The following MALRD1 variants were observed in gnomAD, a reference collection of about 807,000 sequenced individuals.
MALRD1 encodes MAM and LDL-receptor class A domain-containing protein 1.
Under a neutral mutation model 242.1 loss-of-function variants are expected in MALRD1, and 247 were observed. The ratio of observed to expected loss-of-function variants is 1.02; its 90% CI spans 0.92 to 1.13. The LOEUF (loss-of-function observed/expected upper bound fraction) is 1.13. MALRD1 is among the 50% of genes most tolerant of loss of function. MALRD1 has a pLI of 0.00. For synonymous variants in MALRD1, 995 were observed against 866.6 expected, an observed-to-expected ratio of 1.15 and a Z score of -2.60; for missense variants, 2,989 against 2,533.1, an observed-to-expected ratio of 1.18 and a Z score of -3.86.
At chr10:19,514,107 A>T (rs931921714) in intron 31 of MALRD1, among the ~76,000 whole-genome samples, 2 of 152,214 alleles carry the variant, frequency 1.3e-5, no homozygotes, top group African/African-American at 4.8e-5. Flanking sequence ...ACAATGAACT[A>T]TCTACAGATG....
At chr10:19,673,008 G>C (rs1475881147) in intron 36 of MALRD1, among the ~76,000 whole-genome samples, 1 of 152,120 alleles carries the variant, frequency 6.6e-6, no homozygotes, top group Non-Finnish European at 1.5e-5. Context: ...ATTGGAGGTA[G>C]TCTGTTGATA....
rs983125782 is a variant in MALRD1, at chr10:19,128,264, C to T, written c.987C>T (p.Asn329=). 1.1e-5 allele frequency: 14 copies of T among 1,233,394 alleles called. No individual in the cohort carries two copies. The highest frequency in any genetic ancestry group is 1.3e-5 in the Non-Finnish European group (13 of 987,888). 76.4% of individuals were successfully genotyped at this position (1,233,394 alleles called of 1,614,324 possible). A position where few individuals can be genotyped will look rare whatever the true frequency, so the allele number is the denominator to read the frequency against. The part of the protein sequence containing the change: ...WVGAKHGFTL[N]HLDSRAYLNS... ...GCGCTAAGCATGGTTTCACTCTTAA[C>T]CATTTAGACAGCAGGGCTTACCTAA... The change falls in exon 8 of 40, where the codon AAC becomes AAT. Residue 329 remains asparagine, a synonymous_variant. Transcript: ENST00000454679.
chr10:19,629,601 G>C (rs918121939), intron 36 of MALRD1, among the ~76,000 whole-genome samples: 1 of 152,166 alleles, frequency 6.6e-6, no homozygotes, highest in Admixed American at 6.5e-5. Flanking sequence ...TGGGGTAGCC[G>C]TTGGTTGAAA....
Position 19,203,739 on chromosome 10 carries a change from GAC to G in MALRD1, c.1964_1965del (p.Asp655ValfsTer2). ...TTTTTGTTCTTCAGTTTCCAAGTGT[GAC>G]TTTGAAGCAAACAGCTGTGATTGGT... Reference protein sequence around the residue: ...TSTQSKFSKCDFEANSCDWFE... With the variant: ...TSTQSKFSKCXFEANSCDWFE... On this transcript the variant is annotated frameshift_variant, in exon 15 of 40. Coordinates refer to ENST00000454679, the MANE Select transcript of MALRD1 (RefSeq NM_001142308.3). LOFTEE classifies it high-confidence loss of function. 6.5e-7 allele frequency: 1 copy of G among 1,535,558 alleles called. No homozygotes were observed. The highest frequency in any genetic ancestry group is 2.5e-5 in the East Asian group (1 of 40,630).
At chr10:19,282,608 T>C (rs1237547671) in intron 20 of MALRD1, among the ~76,000 whole-genome samples, 1 of 152,160 alleles carries the variant, frequency 6.6e-6, no homozygotes, top group Admixed American at 6.6e-5. Flanking sequence ...ATAAAAGTTA[T>C]TGGAAACCTC....
chr10:19,067,197 T>C (rs555174694), intron 2 of MALRD1, among the ~76,000 whole-genome samples: 1 of 152,174 alleles, frequency 6.6e-6, no homozygotes, highest in Non-Finnish European at 1.5e-5. Context: ...TGGGACAATA[T>C]ACCTAGATTA....
At chr10:19,418,735 A>C (rs141089549) in intron 28 of MALRD1, among the ~76,000 whole-genome samples, 2,193 of 152,316 alleles carry the variant, frequency 0.014, 26 homozygotes, top group Non-Finnish European at 0.018. Flanking sequence ...CCAATGGAAA[A>C]AATATATATT....
intron 28 of MALRD1, among the ~76,000 whole-genome samples, chr10:19,398,499 A>G (rs1019724086): frequency 6.6e-5 from 10 of 152,166 alleles, no homozygotes; most frequent in Admixed American, 2.6e-4. Flanking sequence ...TTATAATGGG[A>G]TATTAAAATA....
intron 18 of MALRD1, among the ~76,000 whole-genome samples, chr10:19,210,162 A>T (rs1836985293): frequency 6.6e-6 from 1 of 152,336 alleles, no homozygotes; most frequent in South Asian, 2.1e-4. Flanking sequence ...TCCTGGGGGA[A>T]TATTCTTTAC....
chr10:19,340,359 G>A (rs1358492446), intron 24 of MALRD1, among the ~76,000 whole-genome samples: 1 of 92,770 alleles, frequency 1.1e-5, no homozygotes, highest in South Asian at 3.1e-4. Flanking sequence ...TTTTTTTTTT[G>A]TACCCATTAA....
intron 12 of MALRD1, among the ~76,000 whole-genome samples, chr10:19,161,071 C>G (rs775568391): frequency 6.8e-6 from 1 of 146,950 alleles, no homozygotes; most frequent in East Asian, 2.0e-4. Flanking sequence ...TATTGCGGCA[C>G]TATTCACAAT....
intron 32 of MALRD1, among the ~76,000 whole-genome samples, chr10:19,564,997 C>A (rs771574838): frequency 2.0e-5 from 3 of 152,004 alleles, no homozygotes; most frequent in African/African-American, 7.2e-5. Context: ...AAACACTTGA[C>A]GTAACATGTA....
intron 29 of MALRD1, chr10:19,489,040 C>G (rs144638852): frequency 2.2e-6 from 1 of 457,340 alleles, no homozygotes; most frequent in South Asian, 1.5e-5. Context: ...CTCAGCAGCT[C>G]GGAGGGTGGA....
At chr10:19,530,329 A>ATG (rs1834297907) in intron 31 of MALRD1, among the ~76,000 whole-genome samples, 1 of 47,632 alleles carries the variant, frequency 2.1e-5, no homozygotes, top group East Asian at 8.3e-4. Context: ...ATTTATATAA[A>ATG]TATATAATAT....
At chr10:19,543,841 C>A (rs1835090157) in intron 32 of MALRD1, among the ~76,000 whole-genome samples, 1 of 152,162 alleles carries the variant, frequency 6.6e-6, no homozygotes, top group African/African-American at 2.4e-5. Context: ...ATATTCAGGG[C>A]AACTGGAGTC....
intron 33 of MALRD1, among the ~76,000 whole-genome samples, chr10:19,585,756 A>G (rs985473700): frequency 2.0e-5 from 3 of 151,884 alleles, no homozygotes; most frequent in African/African-American, 7.3e-5. Flanking sequence ...GTATTTCCTG[A>G]ATCTGAATGT....
At chr10:19,497,929 GTT>G (rs1837795131) in intron 30 of MALRD1, among the ~76,000 whole-genome samples, 1 of 152,118 alleles carries the variant, frequency 6.6e-6, no homozygotes, top group Non-Finnish European at 1.5e-5. Flanking sequence ...TTTTTAATGA[GTT>G]ATCAATCAAC....
At chr10:19,650,053 G>A (rs1316620820) in intron 36 of MALRD1, among the ~76,000 whole-genome samples, 2 of 152,014 alleles carry the variant, frequency 1.3e-5, no homozygotes, top group Non-Finnish European at 2.9e-5. Flanking sequence ...TAATTTTTAA[G>A]CAGATATGGA....
At chr10:19,357,231 C>T (rs578144271) in intron 26 of MALRD1, among the ~76,000 whole-genome samples, 1 of 151,786 alleles carries the variant, frequency 6.6e-6, no homozygotes, top group African/African-American at 2.4e-5. Context: ...CTATTTTTAC[C>T]CAATGTATCT....
Sources: allele counts gnomAD v4.1 joint callset (sites outside exome capture counted in the v4.1 genomes callset), GRCh38; gene constraint gnomAD v4.1.1; transcripts MANE v1.5; gene names NCBI Gene and HGNC (gene_info 2026-07-23, HGNC 2026-07-21).